The following HPS5 variants were observed in gnomAD, a reference collection of about 807,000 sequenced individuals.
The protein encoded by HPS5 is HPS5 biogenesis of lysosomal organelles complex 2 subunit 2, also known as BLOC-2 complex member HPS5.
HPS5 carries 83 observed loss-of-function variants against 128.0 expected under a neutral mutation model. That is an observed-to-expected ratio of 0.65 (90% CI 0.54 to 0.78). The LOEUF (loss-of-function observed/expected upper bound fraction) is 0.78, where lower values mean the gene tolerates loss of function less well. HPS5 is among the 30% of genes least tolerant of loss of function. The probability of loss-of-function intolerance (pLI) is 0.00; values close to 1 mark genes in which losing one functional copy is unlikely to be tolerated. For missense variants in HPS5, 1,281 were observed against 1,326.2 expected (o/e 0.97, Z 0.53); for synonymous variants, 475 against 470.2 (o/e 1.01, Z -0.13).
At chr11:18,319,671 T>A (rs778044680) in intron 1 of HPS5, among the ~76,000 whole-genome samples, 1 of 152,120 alleles carries the variant, frequency 6.6e-6, no homozygotes, top group Non-Finnish European at 1.5e-5. Context: ...AATTGTGTGT[T>A]GGGAGGTCAC....
chr11:18,280,074 CAG>C (rs1858675938), intron 22 of HPS5, 132 bp from the exon 23 acceptor site: 7 of 897,666 alleles, frequency 7.8e-6, no homozygotes, highest in Non-Finnish European at 1.3e-5. Flanking sequence ...ACACAATGCA[CAG>C]AGTGAAAAGG....
chr11:18,313,451 A>G (rs1439499315), intron 2 of HPS5, among the ~76,000 whole-genome samples: 2 of 152,228 alleles, frequency 1.3e-5, no homozygotes, highest in African/African-American at 4.8e-5. Context: ...TTATTTTAAT[A>G]TGAGTTTTTG....
chr11:18,296,308 A>G, intron 12 of HPS5, 186 bp from the exon 13 acceptor site: 1 of 624,672 alleles, frequency 1.6e-6, no homozygotes, highest in Admixed American at 2.9e-5. Flanking sequence ...TCCACATAAA[A>G]CACCGAGGCA....
intron 9 of HPS5, among the ~76,000 whole-genome samples, chr11:18,299,936 A>T (rs756208044): frequency 8.5e-5 from 13 of 152,234 alleles, no homozygotes; most frequent in Non-Finnish European, 1.6e-4. Context: ...ATCTCACAGA[A>T]GTAAAAAAGC....
Position 18,297,778 on chromosome 11 carries a change from A to G in HPS5, c.1165-61T>C. 4.6e-6 allele frequency: 7 copies of G among 1,509,000 alleles called. 1 individual carries two copies. The South Asian group carries it at 7.9e-5, about 17-fold the overall frequency. 93.5% of individuals were successfully genotyped at this position (1,509,000 alleles called of 1,614,324 possible). On this transcript the variant is annotated intron_variant, in intron 10 of 22. Transcript: ENST00000349215. ...TAGGTAAATCTATATTCAAATGGCCAATATATTGAAAGAGGTCTAGGCCGG... is the reference window on the plus strand; with the variant it reads ...TAGGTAAATCTATATTCAAATGGCCGATATATTGAAAGAGGTCTAGGCCGG...
At chr11:18,306,427 CATA>C (rs1240910747) in intron 6 of HPS5, 80 bp from the exon 7 acceptor site, 1 of 847,108 alleles carries the variant, frequency 1.2e-6, no homozygotes, top group Non-Finnish European at 2.0e-6. Context: ...TCAGCATGGG[CATA>C]ATAACTCCAC....
In HPS5 at chr11:18,296,083, T is replaced by C; in HGVS notation, c.1550A>G (p.Lys517Arg). 1.2e-6 allele frequency: 2 copies of C among 1,613,478 alleles called. No individual in the cohort carries two copies. The highest frequency in any genetic ancestry group is 1.7e-6 in the Non-Finnish European group (2 of 1,179,388). ...GCCGAACGGGAGAAAAGTTTCATTC[T>C]TATCTGTCTCAAACATCACTGGAGC... ...SHAPVMFETD[K>R]NETFLPFGIP... Residue 517 changes from lysine (K) to arginine (R), a missense_variant, in exon 13 of 23, where the codon AAG (lysine) becomes AGG (arginine). By Grantham distance (26) the Lys-to-Arg change is conservative. Transcript: ENST00000349215.
intron 16 of HPS5, among the ~76,000 whole-genome samples, chr11:18,288,743 T>TGTGC (rs1345760052): frequency 4.0e-5 from 6 of 151,640 alleles, no homozygotes; most frequent in African/African-American, 7.3e-5. Context: ...GCTGTGTGTG[T>TGTGC]GTGTGTGTGT....
intron 8 of HPS5, among the ~76,000 whole-genome samples, chr11:18,301,769 G>C (rs10766469): frequency 0.43 from 65,453 of 151,898 alleles, 16,009 homozygotes; most frequent in East Asian, 0.59. Flanking sequence ...AGCCAGTCAA[G>C]GTAGATATAC....
At position 18,306,362 on chromosome 11, in the gene HPS5, G is replaced by C. The variant is rs776839304; in HGVS notation, c.612-15C>G. On this transcript the variant is annotated splice_polypyrimidine_tract_variant and intron_variant, in intron 6 of 22. Transcript: ENST00000349215. ...AAAACTTTTCTCTAACATCCAGAAA[G>C]GAAGAGAAAGCAGATTTACTTACAA... 5 of 1,591,542 alleles carry C rather than the reference G, an allele frequency of 3.1e-6. No individual in the cohort carries two copies. Among genetic ancestry groups the C allele is most frequent in the Non-Finnish European group, 4.3e-6 (5 of 1,160,026 alleles).
At chr11:18,318,243 A>G (rs763750392) in intron 1 of HPS5, among the ~76,000 whole-genome samples, 15 of 152,204 alleles carry the variant, frequency 9.9e-5, no homozygotes, top group Non-Finnish European at 2.2e-4. Context: ...TTGCTGCTGC[A>G]TTTCTATGAA....
chr11:18,307,222 A>G (rs145349025), intron 6 of HPS5, among the ~76,000 whole-genome samples: 81 of 152,374 alleles, frequency 5.3e-4, no homozygotes, highest in African/African-American at 1.6e-3. Context: ...AATACATTAT[A>G]GAGTTCCATA....
At position 18,291,724 on chromosome 11, in the gene HPS5, G is replaced by A; in HGVS notation, c.2158C>T (p.Leu720=). Residue 720 remains leucine (L), a synonymous_variant, in exon 16 of 23, where the codon CTG becomes TTG. Transcript: ENST00000349215. ...VRSPRESLDD[L]FQICSPCAIA... ...GCGCATGGAGAACATATTTGAAACAGGTCATCCAAAGACTCCCTTGGACTC... is the reference window on the plus strand; with the variant it reads ...GCGCATGGAGAACATATTTGAAACAAGTCATCCAAAGACTCCCTTGGACTC... The A allele has an allele frequency of 6.2e-7, 1 of 1,614,188 alleles. No individual in the cohort carries two copies. Among genetic ancestry groups the A allele is most frequent in the Middle Eastern group, 1.6e-4 (1 of 6,062 alleles).
chr11:18,286,944 G>A, intron 18 of HPS5: 1 of 550,044 alleles, frequency 1.8e-6, no homozygotes, highest in Non-Finnish European at 3.2e-6. Flanking sequence ...GAGAGAGAAA[G>A]AAAGAGACAA....
chr11:18,319,354 A>C (rs969619371), intron 1 of HPS5, among the ~76,000 whole-genome samples: 1 of 151,858 alleles, frequency 6.6e-6, no homozygotes, highest in Non-Finnish European at 1.5e-5. Flanking sequence ...CAGAGGGATC[A>C]CATTGAATTA....
At chr11:18,280,616 G>T (rs1301601349) in intron 22 of HPS5, 2 of 694,610 alleles carry the variant, frequency 2.9e-6, no homozygotes, top group African/African-American at 3.5e-5. Flanking sequence ...ATTCACAATA[G>T]CCAGAAAGTG....
Position 18,313,924 on chromosome 11 carries a change from A to G in HPS5, c.109-1900T>C, listed in dbSNP as rs56221867. ...CTAGACTCCGTCTCAAAAAAAAAAA[A>G]AAAGGCCGGGTGCGGTGGCTCATGC... is the stretch of plus-strand genomic sequence containing the variant. On this transcript the variant is annotated intron_variant, in intron 2 of 22. Transcript: ENST00000349215. Among the ~76,000 whole-genome samples the G allele has an allele frequency of 2.4e-3, 357 of 150,162 alleles. 3 individuals are homozygous for G. The highest frequency in any genetic ancestry group is 8.2e-3 in the African/African-American group (335 of 40,866).
At position 18,295,101 on chromosome 11, in the gene HPS5, A is replaced by C; in HGVS notation, c.1703T>G (p.Val568Gly). ...CTCATCACCCCTGAGCTCTGGTCTCACTTTCAGATCAGGGCTCGTGTGAAG... is the reference window on the plus strand; with the variant it reads ...CTCATCACCCCTGAGCTCTGGTCTCCCTTTCAGATCAGGGCTCGTGTGAAG... ...GTLHTSPDLK[V>G]RPELRGDEQS... The change falls in exon 14 of 23, where the codon GTG (valine) becomes GGG (glycine). Residue 568 changes from valine to glycine, a missense_variant. Coordinates refer to ENST00000349215, the MANE Select transcript of HPS5 (RefSeq NM_181507.2). The C allele has an allele frequency of 1.2e-6, 2 of 1,614,142 alleles. No homozygotes were observed. Among genetic ancestry groups the C allele is most frequent in the South Asian group, 1.1e-5 (1 of 91,090 alleles).
intron 12 of HPS5, 50 bp from the exon 13 acceptor site, chr11:18,296,172 G>A (rs369200025): frequency 1.2e-4 from 189 of 1,591,324 alleles, no homozygotes; most frequent in Middle Eastern, 1.7e-4. Flanking sequence ...TCACGTGGGA[G>A]TTGTTTTAAT....
Sources: allele counts gnomAD v4.1 joint callset (sites outside exome capture counted in the v4.1 genomes callset), GRCh38; gene constraint gnomAD v4.1.1; transcripts MANE v1.5; gene names NCBI Gene and HGNC (gene_info 2026-07-23, HGNC 2026-07-21).